The following KATNA1 variants were observed in gnomAD, a reference collection of about 807,000 sequenced individuals.
KATNA1 encodes katanin catalytic subunit A1.
Under a neutral mutation model 62.6 loss-of-function variants are expected in KATNA1, and 42 were observed. The ratio of observed to expected loss-of-function variants is 0.67; its 90% CI spans 0.52 to 0.87. The LOEUF (loss-of-function observed/expected upper bound fraction) is 0.87, where lower values mean the gene tolerates loss of function less well. Among genes scored for constraint, KATNA1 ranks in the 40% least tolerant of loss-of-function variants. The probability of loss-of-function intolerance (pLI) is 0.00; values close to 1 mark genes in which losing one functional copy is unlikely to be tolerated. For missense variants in KATNA1, 498 were observed against 612.5 expected, an observed-to-expected ratio of 0.81 and a Z score of 1.97; for synonymous variants, 186 against 201.9, an observed-to-expected ratio of 0.92 and a Z score of 0.67.
chr6:149,600,758 A>G (rs1778508644), intron 7 of KATNA1, among the ~76,000 whole-genome samples: 1 of 146,766 alleles, frequency 6.8e-6, no homozygotes, highest in Admixed American at 7.0e-5. Context: ...CAACACAGCA[A>G]GACCCCATCT....
At chr6:149,625,797 G>A (rs1323290628) in intron 3 of KATNA1, among the ~76,000 whole-genome samples, 1 of 151,798 alleles carries the variant, frequency 6.6e-6, no homozygotes, top group Non-Finnish European at 1.5e-5. Flanking sequence ...AGATGGGCAT[G>A]GTGCTGTGGA....
chr6:149,645,510 G>C, intron 1 of KATNA1, among the ~76,000 whole-genome samples: 1 of 150,752 alleles, frequency 6.6e-6, no homozygotes, highest in East Asian at 1.9e-4. Context: ...TAAGCACCAT[G>C]AACTATAAAC....
chr6:149,634,409 T>G (rs1322440147), intron 2 of KATNA1, among the ~76,000 whole-genome samples: 2 of 152,178 alleles, frequency 1.3e-5, no homozygotes, highest in African/African-American at 4.8e-5. Context: ...CCTGTAGTCC[T>G]GCCTACTTTA....
chr6:149,632,068 G>A (rs1251754366), intron 3 of KATNA1, among the ~76,000 whole-genome samples: 2 of 152,134 alleles, frequency 1.3e-5, no homozygotes, highest in East Asian at 1.9e-4. Flanking sequence ...GAGAACCACT[G>A]TTAGTCTAAC....
At position 149,632,882 on chromosome 6, in the gene KATNA1, A is replaced by C; in HGVS notation, c.197T>G (p.Val66Gly). The C allele has an allele frequency of 6.2e-7, 1 of 1,609,860 alleles. No homozygotes were observed. The highest frequency in any genetic ancestry group is 2.2e-5 in the East Asian group (1 of 44,560). ...CTCTAGTGTTTTCATGATATCTTTA[A>C]CATGTTTAGCTTCCACATTTATTTC... The part of the protein sequence containing the change: ...WQEINVEAKH[V>G]KDIMKTLESF... Residue 66 changes from valine to glycine, a missense_variant, in exon 3 of 11, where the codon GTT becomes GGT. Val to Gly is a moderately radical substitution (Grantham distance 109, BLOSUM62 -3). This residue lies in a region of KATNA1 where 203 missense variants were observed against 198.4 expected (regional missense o/e 1.02). Coordinates refer to ENST00000367411, the MANE Select transcript of KATNA1 (RefSeq NM_007044.4).
chr6:149,604,801 A>T lies in KATNA1; in HGVS notation c.502-19T>A. On this transcript the variant is annotated intron_variant, in intron 4 of 10. Coordinates refer to ENST00000367411, the MANE Select transcript of KATNA1 (RefSeq NM_007044.4). ...ATTTGTTCTACATGAAGAGAAAAAA[A>T]CAAGCGCTTTTGATTCATTTATTTT... The T allele has an allele frequency of 6.2e-7, 1 of 1,604,460 alleles. No individual in the cohort carries two copies. Among genetic ancestry groups the T allele is most frequent in the East Asian group, 2.2e-5 (1 of 44,846 alleles).
intron 4 of KATNA1, among the ~76,000 whole-genome samples, chr6:149,606,424 A>T (rs549700039): frequency 1.1e-4 from 17 of 151,910 alleles, no homozygotes; most frequent in Middle Eastern, 3.4e-3. Context: ...TTCCCATAAC[A>T]TTTTTTTTGC....
chr6:149,638,034 G>A (rs1005524330), intron 2 of KATNA1, among the ~76,000 whole-genome samples: 2 of 152,098 alleles, frequency 1.3e-5, no homozygotes, highest in African/African-American at 4.8e-5. Flanking sequence ...GGAGTGTAGT[G>A]GTACAAGCAT....
intron 1 of KATNA1, among the ~76,000 whole-genome samples, chr6:149,643,081 C>G (rs919084032): frequency 6.6e-6 from 1 of 152,202 alleles, no homozygotes; most frequent in Non-Finnish European, 1.5e-5. Flanking sequence ...AAATGGAATA[C>G]CAGCTCCACA....
chr6:149,634,283 A>ATAACATAACATAACATAACATAACATAAC, intron 2 of KATNA1, among the ~76,000 whole-genome samples: 2 of 147,946 alleles, frequency 1.4e-5, no homozygotes, highest in African/African-American at 5.1e-5. Flanking sequence ...AAAAAAATAA[A>ATAACATAACATAACATAACATAACATAAC]ATAAAATAAA....
intron 4 of KATNA1, among the ~76,000 whole-genome samples, chr6:149,621,040 T>C (rs1779371951): frequency 6.6e-6 from 1 of 152,112 alleles, no homozygotes; most frequent in Non-Finnish European, 1.5e-5. Flanking sequence ...GGTAAGTTTA[T>C]TGTGGAGAGA....
chr6:149,636,263 A>T (rs1780061718), intron 2 of KATNA1, among the ~76,000 whole-genome samples: 1 of 151,872 alleles, frequency 6.6e-6, no homozygotes, highest in Non-Finnish European at 1.5e-5. Context: ...CAAACTTAAG[A>T]CTCCTTATGA....
intron 1 of KATNA1, among the ~76,000 whole-genome samples, chr6:149,640,973 C>T (rs1189733337): frequency 2.0e-5 from 3 of 152,050 alleles, no homozygotes; most frequent in African/African-American, 4.8e-5. Context: ...CGGGTTCAAG[C>T]GATTCTCCTG....
intron 4 of KATNA1, among the ~76,000 whole-genome samples, chr6:149,618,563 C>A (rs1039626284): frequency 1.2e-4 from 18 of 152,112 alleles, no homozygotes; most frequent in Admixed American, 9.2e-4. Flanking sequence ...AAGTTGGAGA[C>A]ATCACACTAC....
intron 1 of KATNA1, 170 bp from the exon 2 acceptor site, chr6:149,638,730 GTTTTTTTT>G (rs1217719467): frequency 8.0e-5 from 8 of 99,840 alleles, no homozygotes; most frequent in Admixed American, 1.7e-4. Context: ...AAAAAACATT[GTTTTTTTT>G]TTTTTTTTTT....
At chr6:149,629,170 G>A (rs192983343) in intron 3 of KATNA1, among the ~76,000 whole-genome samples, 1 of 152,188 alleles carries the variant, frequency 6.6e-6, no homozygotes. Context: ...ATTTCCCACT[G>A]GGAACATCTA....
intron 1 of KATNA1, among the ~76,000 whole-genome samples, chr6:149,639,211 A>G (rs763511972): frequency 7.9e-5 from 12 of 152,070 alleles, no homozygotes; most frequent in Non-Finnish European, 1.8e-4. Context: ...AGACACAAGA[A>G]TTGCTTGAAC....
rs75080427 is a variant in KATNA1, at chr6:149,615,503, G to C, written c.501+7600C>G. ...TACAGGCATGAGCACCATCCCCGGC[G>C]AGTAATGTAGAAAATTAAGGAAAAA... On this transcript the variant is annotated intron_variant, in intron 4 of 10. Coordinates refer to ENST00000367411, the MANE Select transcript of KATNA1 (RefSeq NM_007044.4). Among the ~76,000 whole-genome samples, 585 of 151,966 alleles carry C rather than the reference G, an allele frequency of 3.8e-3. 4 individuals are homozygous for C. Among genetic ancestry groups the C allele is most frequent in the African/African-American group, 0.013 (557 of 41,448 alleles).
intron 4 of KATNA1, 72 bp downstream of exon 4, chr6:149,623,031 A>T: frequency 8.4e-7 from 1 of 1,186,426 alleles, no homozygotes; most frequent in Non-Finnish European, 1.2e-6. Flanking sequence ...AGAAAAAATA[A>T]ATAAATTTGT....
Sources: gnomAD v4.1 joint callset for allele counts (sites outside exome capture counted in the v4.1 genomes callset) on GRCh38, gnomAD v4.1.1 for gene constraint, gnomAD v4.1.1 regional missense constraint, MANE v1.5 for transcripts, NCBI Gene and HGNC (gene_info 2026-07-23, HGNC 2026-07-21) for gene names.